Variants in PLEKHA1 observed in about 807,000 individuals in gnomAD.
PLEKHA1 encodes pleckstrin homology domain containing A1.
PLEKHA1 carries 34 observed loss-of-function variants against 52.0 expected under a neutral mutation model. The ratio of observed to expected loss-of-function variants is 0.65; its 90% CI spans 0.50 to 0.87. The LOEUF is 0.87. PLEKHA1 is among the 40% of genes least tolerant of loss of function. The pLI, the probability that PLEKHA1 is intolerant of heterozygous loss-of-function variation, is 0.00. For missense variants in PLEKHA1, 497 were observed against 504.2 expected (o/e 0.99, Z 0.14); for synonymous variants, 163 against 170.7 (o/e 0.95, Z 0.35).
chr10:122,434,776 T>A (rs965585919), downstream of PLEKHA1: 3 of 131,356 alleles, frequency 2.3e-5, no homozygotes, highest in African/African-American at 8.8e-5. Flanking sequence ...TGTCCATGTG[T>A]TCTCATTGTT....
At chr10:122,427,392 G>A (rs902427786) in intron 11 of PLEKHA1, among the ~76,000 whole-genome samples, 1 of 152,134 alleles carries the variant, frequency 6.6e-6, no homozygotes, top group Non-Finnish European at 1.5e-5. Context: ...TAGTTGTAGC[G>A]TTACACAGTT....
downstream of PLEKHA1, chr10:122,435,687 A>G (rs551115400): frequency 4.6e-5 from 7 of 152,280 alleles, no homozygotes; most frequent in East Asian, 1.4e-3. Context: ...AAGAGCTTTA[A>G]TTATTTCCAA....
In PLEKHA1 at chr10:122,430,016, G is replaced by T; in HGVS notation, c.*78G>T. 11 of 1,470,230 alleles carry T rather than the reference G, an allele frequency of 7.5e-6. No homozygotes were observed. Among genetic ancestry groups the T allele is most frequent in the Non-Finnish European group, 1.0e-5 (11 of 1,092,656 alleles). The allele number at this position is 1,470,230 out of a possible 1,614,324, so 91.1% of individuals were successfully genotyped here. A position where few individuals can be genotyped will look rare whatever the true frequency, so the allele number is the denominator to read the frequency against. Reference sequence around the variant, plus strand: ...GAGGCTTCTAGCCAAAGATGATAAAGGGGGAAATGGTTTTTAGTGCGTATA... The same window carrying T: ...GAGGCTTCTAGCCAAAGATGATAAATGGGGAAATGGTTTTTAGTGCGTATA... On this transcript the variant is annotated 3_prime_UTR_variant, in exon 12 of 12. Transcript: ENST00000368990.
At chr10:122,437,359 A>G in the PLEKHA1 span, 1 of 152,156 alleles carries the variant, frequency 6.6e-6, no homozygotes, top group African/African-American at 2.4e-5. Flanking sequence ...TTTGATGGAA[A>G]AGATCATGAT....
At chr10:122,383,036 G>A (rs986450126) in intron 1 of PLEKHA1, among the ~76,000 whole-genome samples, 1 of 152,174 alleles carries the variant, frequency 6.6e-6, no homozygotes, top group Non-Finnish European at 1.5e-5. Flanking sequence ...TCAGTATAGT[G>A]TGTTGTCAAA....
At chr10:122,426,848 A>G in intron 10 of PLEKHA1, 94 bp from the exon 11 acceptor site, 3 of 1,096,362 alleles carry the variant, frequency 2.7e-6, no homozygotes, top group Non-Finnish European at 3.9e-6. Flanking sequence ...TTTGTTGATG[A>G]CAGTATTTTA....
At chr10:122,428,534 AAAAC>A (rs2097372636) in intron 11 of PLEKHA1, 1 of 970,074 alleles carries the variant, frequency 1.0e-6, no homozygotes, top group South Asian at 5.2e-5. Context: ...AATAAAAAAT[AAAAC>A]ATACAACTTT....
chr10:122,404,346 A>G (rs2096975054), intron 4 of PLEKHA1, among the ~76,000 whole-genome samples: 1 of 152,070 alleles, frequency 6.6e-6, no homozygotes, highest in Admixed American at 6.5e-5. Flanking sequence ...TCTTTTTTAG[A>G]TATATATTTG....
intron 2 of PLEKHA1, among the ~76,000 whole-genome samples, chr10:122,395,781 G>GT (rs2096841823): frequency 6.6e-6 from 1 of 152,014 alleles, no homozygotes; most frequent in South Asian, 2.1e-4. Context: ...TCTTTCTAGT[G>GT]TTTATTAGGG....
At chr10:122,394,031 T>C (rs1024437417) in intron 2 of PLEKHA1, among the ~76,000 whole-genome samples, 3 of 151,456 alleles carry the variant, frequency 2.0e-5, no homozygotes, top group Non-Finnish European at 4.4e-5. Flanking sequence ...AGATTAGATA[T>C]CATCTGTGAA....
chr10:122,379,003 G>A (rs1329214609), intron 1 of PLEKHA1, among the ~76,000 whole-genome samples: 5 of 152,116 alleles, frequency 3.3e-5, no homozygotes, highest in Admixed American at 2.0e-4. Flanking sequence ...TTGTTATCTG[G>A]TGCTATTAGA....
intron 8 of PLEKHA1, chr10:122,423,439 A>AC (rs894212136): frequency 1.7e-5 from 2 of 115,268 alleles, no homozygotes; most frequent in Non-Finnish European, 4.2e-5. Flanking sequence ...AAAAAAAAAA[A>AC]CAAAAAAAAC....
chr10:122,400,577 C>T (rs921082322), intron 4 of PLEKHA1, among the ~76,000 whole-genome samples, 189 bp downstream of exon 4: 1 of 152,226 alleles, frequency 6.6e-6, no homozygotes, highest in Non-Finnish European at 1.5e-5. Context: ...CCTGAAGCCT[C>T]TTTCCTGTGT....
At chr10:122,440,673 C>T in the PLEKHA1 span, 2 of 152,152 alleles carry the variant, frequency 1.3e-5, no homozygotes, top group African/African-American at 4.8e-5. Flanking sequence ...AAACTTTGGC[C>T]TAGTAAATAG....
the PLEKHA1 span, chr10:122,441,754 C>T: frequency 3.3e-5 from 5 of 152,106 alleles, no homozygotes; most frequent in African/African-American, 1.2e-4. Flanking sequence ...AGAATTTCAT[C>T]AGGAATCAAA....
At chr10:122,378,141 G>C (rs2096563546) in intron 1 of PLEKHA1, among the ~76,000 whole-genome samples, 3 of 152,140 alleles carry the variant, frequency 2.0e-5, no homozygotes, top group Admixed American at 2.0e-4. Context: ...ACAGGCACTA[G>C]AATTGGAAGT....
At chr10:122,392,664 T>C (rs1472051900) in intron 1 of PLEKHA1, among the ~76,000 whole-genome samples, 1 of 152,184 alleles carries the variant, frequency 6.6e-6, no homozygotes, top group African/African-American at 2.4e-5. Flanking sequence ...TTCCCCTGTG[T>C]ATTAAGTTCC....
rs1590450615 is a variant in PLEKHA1, at chr10:122,396,890, T to TCC, written c.142-1026_142-1025dup. Among the ~76,000 whole-genome samples the TCC allele has an allele frequency of 4.6e-5, 7 of 152,222 alleles. No homozygotes were observed. The South Asian group carries it at 8.3e-4, about 18-fold the overall frequency. The stretch of plus-strand genomic sequence containing the variant: ...CTACCTCTATCTTCCTCTTCTATAA[T>TCC]CCCTTCAGTTTATTATAAGATATAT... On this transcript the variant is annotated intron_variant, in intron 2 of 11. Coordinates refer to ENST00000368990, the MANE Select transcript of PLEKHA1 (RefSeq NM_001001974.4).
intron 1 of PLEKHA1, chr10:122,387,970 G>A (rs960288165): frequency 1.3e-5 from 2 of 152,174 alleles, no homozygotes; most frequent in African/African-American, 4.8e-5. Context: ...GCCAGTCATT[G>A]TAGAAACTGC....
Sources: allele counts gnomAD v4.1 joint callset (sites outside exome capture counted in the v4.1 genomes callset), GRCh38; gene constraint gnomAD v4.1.1; transcripts MANE v1.5; gene names NCBI Gene and HGNC (gene_info 2026-07-23, HGNC 2026-07-21).